The following PLCE1 variants were observed in gnomAD, a reference collection of about 807,000 sequenced individuals.
PLCE1 encodes the protein phospholipase C epsilon 1.
A neutral mutation model predicts 242.8 loss-of-function variants in PLCE1; 119 were observed. That is an observed-to-expected ratio of 0.49 (90% CI 0.42 to 0.57). The LOEUF is 0.57. Ranked by LOEUF, PLCE1 falls within the 20% of genes least tolerant of loss-of-function variation. The pLI, the probability that PLCE1 is intolerant of heterozygous loss-of-function variation, is 0.00. For missense variants in PLCE1, 2,441 were observed against 2,788.8 expected, an observed-to-expected ratio of 0.88 and a Z score of 2.81; for synonymous variants, 945 against 1,017.4, an observed-to-expected ratio of 0.93 and a Z score of 1.35.
chr10:94,083,139 G>A (rs1215781424), intron 2 of PLCE1, among the ~76,000 whole-genome samples: 1 of 152,094 alleles, frequency 6.6e-6, no homozygotes, highest in African/African-American at 2.4e-5. Context: ...CAGATTCTTG[G>A]TCAAGAATCT....
intron 2 of PLCE1, among the ~76,000 whole-genome samples, chr10:94,092,715 T>C (rs2045128124): frequency 6.7e-6 from 1 of 150,098 alleles, no homozygotes; most frequent in Admixed American, 6.7e-5. Flanking sequence ...GGAAGTTCAG[T>C]TGGAAAACCA....
At chr10:94,123,348 C>A (rs1176834199) in intron 2 of PLCE1, among the ~76,000 whole-genome samples, 1 of 152,142 alleles carries the variant, frequency 6.6e-6, no homozygotes, top group Non-Finnish European at 1.5e-5. Flanking sequence ...AGCTTACTTC[C>A]CATAGAAGCC....
chr10:94,192,570 C>T (rs1413181987), intron 4 of PLCE1, among the ~76,000 whole-genome samples: 1 of 152,114 alleles, frequency 6.6e-6, no homozygotes, highest in African/African-American at 2.4e-5. Flanking sequence ...ATACGTATAT[C>T]CAATCCACCA....
In PLCE1 at chr10:94,304,653, C is replaced by T. The variant is rs1200101193; in HGVS notation, c.5622+8C>T. On this transcript the variant is annotated splice_region_variant and intron_variant, in intron 25 of 32. Transcript: ENST00000371380. Reference sequence around the variant, plus strand: ...GCAGTCTATTCTTTAACTGTAAGTACGGCCCCTAGAGAAAGAACATAAGGT... The same window carrying T: ...GCAGTCTATTCTTTAACTGTAAGTATGGCCCCTAGAGAAAGAACATAAGGT... The T allele has an allele frequency of 6.2e-6, 10 of 1,613,338 alleles. No individual in the cohort carries two copies. The highest frequency in any genetic ancestry group is 1.6e-4 in the Middle Eastern group (1 of 6,062).
At chr10:94,173,153 A>T (rs949376764) in intron 4 of PLCE1, among the ~76,000 whole-genome samples, 6 of 152,184 alleles carry the variant, frequency 3.9e-5, no homozygotes, top group Non-Finnish European at 1.5e-5. Context: ...AAGATTACAC[A>T]AGTGGTAGGT....
chr10:94,212,499 A>G (rs990582050), intron 4 of PLCE1, among the ~76,000 whole-genome samples: 2 of 151,466 alleles, frequency 1.3e-5, no homozygotes, highest in Admixed American at 1.3e-4. Flanking sequence ...CTTGTGATCC[A>G]CCCTCCTTGG....
Position 94,053,889 on chromosome 10 carries a change from A to AT in PLCE1, c.1206+21645dup, listed in dbSNP as rs1365218702. Among the ~76,000 whole-genome samples, 6 of 152,154 alleles carry AT rather than the reference A, an allele frequency of 3.9e-5. No homozygotes were observed. The South Asian group carries it at 1.0e-3, about 26-fold the overall frequency. On this transcript the variant is annotated intron_variant, in intron 2 of 32. Coordinates refer to ENST00000371380, the MANE Select transcript of PLCE1 (RefSeq NM_016341.4). ...AGGGTGACCAGATTAGTTTTTCTTTATTTTTTTTATATTGCATATTTTGAA... is the reference window on the plus strand; with the variant it reads ...AGGGTGACCAGATTAGTTTTTCTTTATTTTTTTTTATATTGCATATTTTGAA...
intron 1 of PLCE1, among the ~76,000 whole-genome samples, chr10:94,002,176 T>A (rs1177643638): frequency 6.6e-6 from 1 of 152,048 alleles, no homozygotes; most frequent in Non-Finnish European, 1.5e-5. Context: ...GAGCTATGCA[T>A]AGAAGCTATA....
At chr10:94,022,129 G>C (rs2061385577) in intron 1 of PLCE1, among the ~76,000 whole-genome samples, 1 of 151,914 alleles carries the variant, frequency 6.6e-6, no homozygotes, top group African/African-American at 2.4e-5. Flanking sequence ...TGAGATGATT[G>C]TCTATGTAGA....
intron 1 of PLCE1, among the ~76,000 whole-genome samples, chr10:94,007,603 G>A (rs1453437658): frequency 1.7e-5 from 2 of 116,972 alleles, no homozygotes; most frequent in African/African-American, 6.7e-5. Context: ...TTTTGCTACT[G>A]GTGTTTCCAG....
At chr10:94,269,402 C>G (rs1181900518) in intron 17 of PLCE1, among the ~76,000 whole-genome samples, 2 of 152,016 alleles carry the variant, frequency 1.3e-5, no homozygotes, top group African/African-American at 2.4e-5. Flanking sequence ...CCGTGCCTGG[C>G]CTTCATTCTT....
At chr10:94,036,203 C>G (rs796150767) in intron 2 of PLCE1, among the ~76,000 whole-genome samples, 7 of 152,274 alleles carry the variant, frequency 4.6e-5, no homozygotes, top group African/African-American at 1.7e-4. Flanking sequence ...CCACACAGTT[C>G]TAGCAAGGAG....
At chr10:93,994,444 G>T (rs2060782105) in intron 1 of PLCE1, among the ~76,000 whole-genome samples, 186 bp downstream of exon 1, 1 of 152,278 alleles carries the variant, frequency 6.6e-6, no homozygotes, top group South Asian at 2.1e-4. Context: ...GGCCGCCCTC[G>T]CAGGGGCTAA....
At chr10:94,187,846 A>T (rs2048532111) in intron 4 of PLCE1, among the ~76,000 whole-genome samples, 1 of 152,192 alleles carries the variant, frequency 6.6e-6, no homozygotes, top group Non-Finnish European at 1.5e-5. Context: ...CAGACACTAA[A>T]GTTGTATGTA....
intron 3 of PLCE1, among the ~76,000 whole-genome samples, chr10:94,160,012 C>G (rs1263354960): frequency 2.0e-5 from 3 of 152,142 alleles, no homozygotes; most frequent in Non-Finnish European, 2.9e-5. Flanking sequence ...TTAATCTGGT[C>G]TATCATTGTT....
intron 2 of PLCE1, among the ~76,000 whole-genome samples, chr10:94,074,416 G>C (rs1006938847): frequency 1.3e-5 from 2 of 151,766 alleles, no homozygotes; most frequent in African/African-American, 4.8e-5. Context: ...TGTTGCCCAG[G>C]CTGGTCTCAA....
intron 1 of PLCE1, among the ~76,000 whole-genome samples, chr10:93,998,029 G>A (rs2060862270): frequency 1.3e-5 from 2 of 152,238 alleles, no homozygotes; most frequent in African/African-American, 4.8e-5. Flanking sequence ...TACCAGGATT[G>A]TAAGCCCTCC....
intron 4 of PLCE1, among the ~76,000 whole-genome samples, chr10:94,213,029 G>A (rs962823753): frequency 6.6e-6 from 1 of 152,188 alleles, no homozygotes; most frequent in Non-Finnish European, 1.5e-5. Context: ...AGGCTGCTGG[G>A]CCCTTGTTTG....
At chr10:94,170,812 C>T (rs545391601) in intron 3 of PLCE1, among the ~76,000 whole-genome samples, 2 of 152,288 alleles carry the variant, frequency 1.3e-5, no homozygotes, top group Admixed American at 1.3e-4. Context: ...TATGCTTATA[C>T]CTACCCTCAT....
Sources: allele counts gnomAD v4.1 joint callset (sites outside exome capture counted in the v4.1 genomes callset), GRCh38; gene constraint gnomAD v4.1.1; transcripts MANE v1.5; gene names NCBI Gene and HGNC (gene_info 2026-07-23, HGNC 2026-07-21).